SPATA6L: variants seen among roughly 807,000 people sequenced by gnomAD.
SPATA6L encodes spermatogenesis associated 6 like.
SPATA6L carries 68 observed loss-of-function variants against 49.2 expected under a neutral mutation model. The ratio of observed to expected loss-of-function variants is 1.38; its 90% CI spans 1.14 to 1.69. The LOEUF (loss-of-function observed/expected upper bound fraction) is 1.69, where lower values mean the gene tolerates loss of function less well. Ranked by LOEUF, SPATA6L falls within the 40% of genes most tolerant of loss-of-function variation. The probability of loss-of-function intolerance (pLI) is 0.00; values close to 1 mark genes in which losing one functional copy is unlikely to be tolerated. For missense variants in SPATA6L, 668 were observed against 464.3 expected (o/e 1.44, Z -4.03); for synonymous variants, 198 against 165.7 (o/e 1.19, Z -1.50).
At chr9:4,641,202 G>A (rs530948124) in intron 3 of SPATA6L, among the ~76,000 whole-genome samples, 11 of 151,990 alleles carry the variant, frequency 7.2e-5, no homozygotes, top group African/African-American at 1.4e-4. Flanking sequence ...ATATACACAC[G>A]TAACTATATA....
chr9:4,612,609 C>G (rs1484929601), intron 9 of SPATA6L, among the ~76,000 whole-genome samples: 1 of 152,176 alleles, frequency 6.6e-6, no homozygotes, highest in East Asian at 1.9e-4. Context: ...CTCATTAATA[C>G]CATTTGCACC....
At chr9:4,621,481 G>C (rs1488826325) in intron 7 of SPATA6L, among the ~76,000 whole-genome samples, 3 of 150,756 alleles carry the variant, frequency 2.0e-5, no homozygotes, top group Admixed American at 6.6e-5. Context: ...CTAATGGAAT[G>C]TGTGCTATTC....
At chr9:4,605,881 G>C (rs60128265) in intron 9 of SPATA6L, among the ~76,000 whole-genome samples, 2,403 of 152,334 alleles carry the variant, frequency 0.016, 58 homozygotes, top group African/African-American at 0.055. Context: ...GGTGATTTCT[G>C]CATTTCCATC....
intron 5 of SPATA6L, chr9:4,626,897 C>A (rs952763771): frequency 1.8e-5 from 3 of 167,634 alleles, no homozygotes; most frequent in Admixed American, 5.8e-5. Flanking sequence ...TGCAATGCAG[C>A]GTGATCTCAA....
chr9:4,661,470 T>C (rs114708490), intron 2 of SPATA6L, among the ~76,000 whole-genome samples: 19,841 of 152,128 alleles, frequency 0.13, 1,583 homozygotes, highest in African/African-American at 0.22. Context: ...AGCCTTTTTG[T>C]TACAGGATTT....
chr9:4,645,926 C>G (rs986958417), intron 3 of SPATA6L, among the ~76,000 whole-genome samples: 1 of 152,142 alleles, frequency 6.6e-6, no homozygotes, highest in African/African-American at 2.4e-5. Context: ...GCTGTCCAAT[C>G]TTATGAACAT....
At position 4,618,002 on chromosome 9, in the gene SPATA6L, A is replaced by T. The variant is rs1457992229; in HGVS notation, c.916T>A (p.Phe306Ile). The T allele has an allele frequency of 1.2e-5, 20 of 1,613,994 alleles. No homozygotes were observed. Among genetic ancestry groups the T allele is most frequent in the Non-Finnish European group, 1.7e-5 (20 of 1,180,012 alleles). The change falls in exon 9 of 12, where the codon TTC (phenylalanine) becomes ATC (isoleucine). Residue 306 changes from phenylalanine (F) to isoleucine (I), a missense_variant. By Grantham distance (21) the Phe-to-Ile change is conservative (BLOSUM62 0). Coordinates refer to ENST00000682582, the MANE Select transcript of SPATA6L (RefSeq NM_001353486.2). ...GTGGCAAATGAAGCTTTCCCGTGGA[A>T]ATCAGCATCCCCTTGTTTACTGGAT... ...SSSSKQGDADFHGKASFATYQ... is the reference protein window; with the variant it reads ...SSSSKQGDADIHGKASFATYQ...
At chr9:4,646,396 C>T (rs1835380234) in intron 3 of SPATA6L, 4 of 774,142 alleles carry the variant, frequency 5.2e-6, no homozygotes, top group African/African-American at 3.6e-5. Flanking sequence ...TTTTCAAACA[C>T]AACTCTTAAG....
chr9:4,605,931 T>C lies in SPATA6L; in HGVS notation c.996-491A>G, dbSNP rs1018365434. On this transcript the variant is annotated intron_variant, in intron 9 of 11. Coordinates refer to ENST00000682582, the MANE Select transcript of SPATA6L (RefSeq NM_001353486.2). ...CATCTCACTAGGGAGTGCCAGACAG[T>C]GGGCGCAGGCCAGTGTGTGCGCGCA... Among the ~76,000 whole-genome samples the C allele has an allele frequency of 1.6e-3, 246 of 152,216 alleles. 1 individual carries two copies. The highest frequency in any genetic ancestry group is 5.7e-3 in the African/African-American group (238 of 41,542).
intron 3 of SPATA6L, among the ~76,000 whole-genome samples, chr9:4,647,892 TGGTGC>T (rs1250678144): frequency 6.6e-6 from 1 of 151,546 alleles, no homozygotes; most frequent in Non-Finnish European, 1.5e-5. Context: ...TGGAGGGCAG[TGGTGC>T]GATCTTGGGT....
At chr9:4,596,687 T>C (rs945688482), downstream of SPATA6L, among the ~76,000 whole-genome samples, 3 of 152,234 alleles carry the variant, frequency 2.0e-5, no homozygotes, top group Admixed American at 2.0e-4. Flanking sequence ...TGTTCCAACT[T>C]CTGTCAAGAG....
chr9:4,624,213 T>A (rs990622652), intron 6 of SPATA6L, among the ~76,000 whole-genome samples: 1 of 152,154 alleles, frequency 6.6e-6, no homozygotes, highest in Non-Finnish European at 1.5e-5. Context: ...CAAAATAATA[T>A]AGGAAATTTT....
intron 2 of SPATA6L, among the ~76,000 whole-genome samples, chr9:4,661,241 T>C (rs1839651972): frequency 6.6e-6 from 1 of 152,232 alleles, no homozygotes; most frequent in Admixed American, 6.5e-5. Context: ...TTATTAAGGT[T>C]AAAATTGATT....
In SPATA6L at chr9:4,662,035, A is replaced by T. The variant is rs920499418; in HGVS notation, c.41T>A (p.Ile14Asn). 4.3e-6 allele frequency: 7 copies of T among 1,613,192 alleles called. No individual in the cohort carries two copies. The highest frequency in any genetic ancestry group is 1.3e-5 in the African/African-American group (1 of 74,838). Residue 14 changes from isoleucine (I) to asparagine (N), a missense_variant and splice_region_variant, in exon 2 of 12, where the codon ATT becomes AAT. By Grantham distance (149) the Ile-to-Asn change is moderately radical. Coordinates refer to ENST00000682582, the MANE Select transcript of SPATA6L (RefSeq NM_001353486.2). This position sits in a 1 kb window ranked among gnomAD's most constrained non-coding sequence, Gnocchi z 4.9. Reference protein sequence around the residue: ...EVVVELQIRAISCPGVFLPGK... With the variant: ...EVVVELQIRANSCPGVFLPGK... ...AGGCAGGAACACTCCTGGGCAAGAA[A>T]TCTTAAAAAGAAAGAAAACAACAAA... is the stretch of plus-strand genomic sequence containing the variant.
chr9:4,606,266 GCCGGAAGCTCCAACTGGGTGGAGCCCA>G (rs1564124113), intron 9 of SPATA6L, among the ~76,000 whole-genome samples: 1 of 136,902 alleles, frequency 7.3e-6, no homozygotes, highest in African/African-American at 3.1e-5. Flanking sequence ...AAACAAAGCA[GCCGGAAGCTCCAACTGGGTGGAGCCCA>G]CCACAGCTCA....
chr9:4,639,371 G>A (rs1003170779), intron 3 of SPATA6L, among the ~76,000 whole-genome samples: 2 of 152,096 alleles, frequency 1.3e-5, no homozygotes, highest in Non-Finnish European at 2.9e-5. Context: ...TTATTCCTGT[G>A]TTTATCAAGA....
intron 5 of SPATA6L, chr9:4,627,816 T>C (rs1447598990): frequency 3.1e-6 from 4 of 1,289,154 alleles, no homozygotes; most frequent in Non-Finnish European, 4.0e-6. Context: ...GCCCCATGTT[T>C]ACTGCAGCAC....
chr9:4,615,125 T>G (rs917460507), intron 9 of SPATA6L, among the ~76,000 whole-genome samples: 4 of 151,858 alleles, frequency 2.6e-5, no homozygotes, highest in African/African-American at 9.7e-5. Flanking sequence ...AAACCAATCT[T>G]CTCTCCTCAA....
chr9:4,661,755 T>G, intron 2 of SPATA6L, 144 bp downstream of exon 2: 1 of 1,086,352 alleles, frequency 9.2e-7, no homozygotes, highest in Non-Finnish European at 1.3e-6. Flanking sequence ...GTGTTCCGAC[T>G]GCGGTTTTGC....
Sources: gnomAD v4.1 joint callset for allele counts (sites outside exome capture counted in the v4.1 genomes callset) on GRCh38, gnomAD v4.1.1 for gene constraint, Gnocchi (gnomAD v3.1) non-coding constraint, MANE v1.5 for transcripts, NCBI Gene and HGNC (gene_info 2026-07-23, HGNC 2026-07-21) for gene names.